The following PTPRD variants were observed in gnomAD, a reference collection of about 807,000 sequenced individuals.
PTPRD encodes the protein protein tyrosine phosphatase receptor type D, also known as receptor-type tyrosine-protein phosphatase delta.
PTPRD carries 34 observed loss-of-function variants against 214.5 expected under a neutral mutation model. That is an observed-to-expected ratio of 0.16 (90% CI 0.12 to 0.21). The LOEUF is 0.21. PTPRD is among the 10% of genes least tolerant of loss of function. PTPRD has a pLI of 1.00. For synonymous variants in PTPRD, 1,128 were observed against 845.7 expected (o/e 1.33, Z -5.79); for missense variants, 2,545 against 2,398.7 (o/e 1.06, Z -1.27).
chr9:10,258,641 C>A (rs2475331), intron 3 of PTPRD, among the ~76,000 whole-genome samples: 23,167 of 152,104 alleles, frequency 0.15, 1,853 homozygotes, highest in African/African-American at 0.18. Flanking sequence ...TTATCTGTAC[C>A]TACATCTTTT....
chr9:9,649,196 A>C (rs1008627013), intron 7 of PTPRD, among the ~76,000 whole-genome samples: 3 of 152,204 alleles, frequency 2.0e-5, no homozygotes, highest in Non-Finnish European at 4.4e-5. Flanking sequence ...CATTTCATAC[A>C]TTCTGACCCT....
chr9:10,081,546 G>C (rs1364997667), intron 3 of PTPRD, among the ~76,000 whole-genome samples: 1 of 152,022 alleles, frequency 6.6e-6, no homozygotes, highest in African/African-American at 2.4e-5. Flanking sequence ...TGAGTAGACA[G>C]CCTTCTGCCA....
chr9:9,273,015 A>T (rs1943557627), intron 9 of PTPRD, among the ~76,000 whole-genome samples: 1 of 151,342 alleles, frequency 6.6e-6, no homozygotes, highest in Non-Finnish European at 1.5e-5. Flanking sequence ...CTATGGATAA[A>T]AGAAACACCA....
chr9:8,557,745 TAAAAAAA>T (rs752836520), intron 14 of PTPRD, among the ~76,000 whole-genome samples: 8 of 46,768 alleles, frequency 1.7e-4, no homozygotes, highest in East Asian at 1.2e-3. Flanking sequence ...TGTCTCTCAA[TAAAAAAA>T]AAAAAAAAAA....
At chr9:10,119,113 C>T (rs902100283) in intron 3 of PTPRD, among the ~76,000 whole-genome samples, 2 of 151,898 alleles carry the variant, frequency 1.3e-5, no homozygotes, top group African/African-American at 4.8e-5. Context: ...TACTGCTGAG[C>T]AGTGAAATTT....
At chr9:9,985,934 A>G (rs2095695224) in intron 4 of PTPRD, among the ~76,000 whole-genome samples, 1 of 152,128 alleles carries the variant, frequency 6.6e-6, no homozygotes, top group Non-Finnish European at 1.5e-5. Flanking sequence ...GTAGAGTTGA[A>G]AACTCTGAAA....
At chr9:10,170,057 G>A (rs1192867372) in intron 3 of PTPRD, among the ~76,000 whole-genome samples, 1 of 152,138 alleles carries the variant, frequency 6.6e-6, no homozygotes, top group Non-Finnish European at 1.5e-5. Context: ...ATGCAGCACA[G>A]AAAACAGAAG....
At chr9:8,915,970 G>A (rs1317889583) in intron 11 of PTPRD, among the ~76,000 whole-genome samples, 3 of 152,114 alleles carry the variant, frequency 2.0e-5, no homozygotes, top group Admixed American at 1.3e-4. Flanking sequence ...GGAGAAGAAG[G>A]TGTTTAGAAA....
At chr9:9,101,058 CA>C (rs1324775627) in intron 10 of PTPRD, among the ~76,000 whole-genome samples, 80 of 151,610 alleles carry the variant, frequency 5.3e-4, no homozygotes, top group African/African-American at 1.9e-3. Flanking sequence ...TCAGCACATA[CA>C]AGATGTAAAT....
At chr9:9,818,239 G>T (rs1231158410) in intron 5 of PTPRD, among the ~76,000 whole-genome samples, 1 of 152,116 alleles carries the variant, frequency 6.6e-6, no homozygotes, top group Non-Finnish European at 1.5e-5. Flanking sequence ...CTCCAAAATT[G>T]CAGTAATGTA....
At chr9:8,728,046 G>C (rs560772747) in intron 12 of PTPRD, among the ~76,000 whole-genome samples, 6 of 152,056 alleles carry the variant, frequency 3.9e-5, no homozygotes, top group Non-Finnish European at 8.8e-5. Context: ...TCGGGAGTTC[G>C]AGACCAGCCT....
chr9:9,440,025 A>C (rs2086899476), intron 8 of PTPRD, among the ~76,000 whole-genome samples: 1 of 152,200 alleles, frequency 6.6e-6, no homozygotes, highest in South Asian at 2.1e-4. Context: ...CATGAAAGCA[A>C]AAGGTTAGGT....
chr9:9,818,015 G>A (rs1346922687), intron 5 of PTPRD, among the ~76,000 whole-genome samples: 3 of 152,092 alleles, frequency 2.0e-5, no homozygotes, highest in Non-Finnish European at 4.4e-5. Context: ...CTGATCTTGG[G>A]GAAAGAAGTT....
intron 7 of PTPRD, among the ~76,000 whole-genome samples, chr9:9,715,112 G>A (rs1292159525): frequency 1.3e-5 from 2 of 152,142 alleles, no homozygotes; most frequent in Admixed American, 6.5e-5. Flanking sequence ...ATAACTTTGT[G>A]ACTTTGGGCA....
chr9:8,901,513 C>G (rs544757113), intron 11 of PTPRD, among the ~76,000 whole-genome samples: 5 of 152,292 alleles, frequency 3.3e-5, no homozygotes, highest in Admixed American at 2.0e-4. Flanking sequence ...CTTCTTATCT[C>G]CATTTCACAG....
In PTPRD at chr9:10,084,828, G is replaced by C. The variant is rs137869095; in HGVS notation, c.-544-51038C>G. Among the ~76,000 whole-genome samples the C allele has an allele frequency of 3.6e-3, 551 of 151,826 alleles. 8 individuals are homozygous for C. Among genetic ancestry groups the C allele is most frequent in the Non-Finnish European group, 4.0e-3 (273 of 67,880 alleles). On this transcript the variant is annotated intron_variant, in intron 3 of 45. Transcript: ENST00000381196. ...TTAGTTCACAAGCTGTAGTTTCCTGGTTCCTATTTAGTTCAACACAGCATG... is the reference window on the plus strand; with the variant it reads ...TTAGTTCACAAGCTGTAGTTTCCTGCTTCCTATTTAGTTCAACACAGCATG...
intron 11 of PTPRD, among the ~76,000 whole-genome samples, chr9:8,946,862 T>A (rs1449016960): frequency 6.6e-6 from 1 of 151,902 alleles, no homozygotes; most frequent in East Asian, 1.9e-4. Flanking sequence ...TTTGTCTCTA[T>A]CCTATTTCTT....
At chr9:9,024,485 A>G (rs2099580849) in intron 10 of PTPRD, among the ~76,000 whole-genome samples, 1 of 151,504 alleles carries the variant, frequency 6.6e-6, no homozygotes, top group Non-Finnish European at 1.5e-5. Flanking sequence ...TACAAAAATT[A>G]TAATATCTAT....
At chr9:9,120,288 G>C (rs975564034) in intron 10 of PTPRD, among the ~76,000 whole-genome samples, 4 of 152,174 alleles carry the variant, frequency 2.6e-5, no homozygotes, top group African/African-American at 9.7e-5. Flanking sequence ...AACAGTGTAT[G>C]GGGGAGCATC....
Sources: gnomAD v4.1 joint callset for allele counts (sites outside exome capture counted in the v4.1 genomes callset) on GRCh38, gnomAD v4.1.1 for gene constraint, MANE v1.5 for transcripts, NCBI Gene and HGNC (gene_info 2026-07-23, HGNC 2026-07-21) for gene names.